Variants in PTPRC observed in about 807,000 individuals in gnomAD.
The protein encoded by PTPRC is protein tyrosine phosphatase receptor type C.
A neutral mutation model predicts 155.9 loss-of-function variants in PTPRC; 44 were observed. The observed-to-expected ratio is 0.28, with a 90% CI of 0.22 to 0.36. The LOEUF is 0.36. Ranked by LOEUF, PTPRC falls within the 10% of genes least tolerant of loss-of-function variation. The pLI, the probability that PTPRC is intolerant of heterozygous loss-of-function variation, is 1.00. For synonymous variants in PTPRC, 525 were observed against 533.1 expected (o/e 0.98, Z 0.21); for missense variants, 1,401 against 1,564.6 (o/e 0.90, Z 1.76).
chr1:198,756,222 T>TGTTA lies in PTPRC; in HGVS notation c.*42_*45dup. On this transcript the variant is annotated 3_prime_UTR_variant, in exon 33 of 33. Coordinates refer to ENST00000442510, the MANE Select transcript of PTPRC (RefSeq NM_002838.5). ...AGGAAACTCCAAACCTCCTGTTAGCTGTTATTTCTATTTTTGTAGAAGTAG... is the reference window on the plus strand; with the variant it reads ...AGGAAACTCCAAACCTCCTGTTAGCTGTTAGTTATTTCTATTTTTGTAGAAGTAG... 1 of 1,609,632 alleles carries TGTTA rather than the reference T, an allele frequency of 6.2e-7. No individual in the cohort carries two copies.
rs1318436441 is a variant in PTPRC, at chr1:198,757,196, A to C, written c.*1015A>C. On this transcript the variant is annotated 3_prime_UTR_variant, in exon 33 of 33. Coordinates refer to ENST00000442510, the MANE Select transcript of PTPRC (RefSeq NM_002838.5). ...AACTTTCATTAAAGCATTTACTTTG[A>C]ATTTCTCCAATGCTTAGAATGTTTT... is the stretch of plus-strand genomic sequence containing the variant. 1 of 151,790 alleles carries C rather than the reference A, an allele frequency of 6.6e-6. No homozygotes were observed. Among genetic ancestry groups the C allele is most frequent in the Non-Finnish European group, 1.5e-5 (1 of 67,798 alleles). 9.4% of individuals were successfully genotyped at this position (151,790 alleles called of 1,614,324 possible).
chr1:198,750,260 C>T (rs531126448), intron 28 of PTPRC: 26 of 523,724 alleles, frequency 5.0e-5, no homozygotes, highest in East Asian at 1.0e-4. Flanking sequence ...AAATTTGTTT[C>T]GCAAGATATG....
chr1:198,659,541 A>T (rs1663816407), intron 2 of PTPRC, among the ~76,000 whole-genome samples: 1 of 149,982 alleles, frequency 6.7e-6, no homozygotes, highest in East Asian at 2.0e-4. Flanking sequence ...AAGAATACAT[A>T]TATATTTTTT....
chr1:198,643,595 C>A (rs768318924), intron 2 of PTPRC, among the ~76,000 whole-genome samples: 1 of 151,744 alleles, frequency 6.6e-6, no homozygotes, highest in Non-Finnish European at 1.5e-5. Flanking sequence ...CTTATCTCAC[C>A]TCTCGTCTGG....
chr1:198,693,088 T>G (rs973704043), intron 3 of PTPRC: 2 of 975,828 alleles, frequency 2.0e-6, no homozygotes, highest in Non-Finnish European at 2.4e-6. Flanking sequence ...AGTAAAACAA[T>G]GAAGACAATT....
In PTPRC at chr1:198,735,129, C is replaced by G; in HGVS notation, c.2280C>G (p.Asn760Lys). ...CTTAATAATTTTTTAAAATGTAGAA[C>G]AAGTGTGCAGAATACTGGCCGTCAA... ...MVTRCEEGNR[N>K]KCAEYWPSME... Residue 760 changes from asparagine (N) to lysine (K), a missense_variant and splice_region_variant, in exon 23 of 33, where the codon AAC becomes AAG. This residue lies in a region of PTPRC where 867 missense variants were observed against 970.4 expected (regional missense o/e 0.89). Transcript: ENST00000442510. The G allele has an allele frequency of 6.3e-7, 1 of 1,596,436 alleles. No homozygotes were observed. The highest frequency in any genetic ancestry group is 8.5e-7 in the Non-Finnish European group (1 of 1,170,366).
At chr1:198,709,898 G>T (rs1571858997) in intron 11 of PTPRC, 74 bp downstream of exon 11, 18 of 1,556,220 alleles carry the variant, frequency 1.2e-5, no homozygotes, top group Non-Finnish European at 1.6e-5. Context: ...GAGAATCATA[G>T]GAAATGAATT....
chr1:198,692,250 T>C (rs1456703390), intron 2 of PTPRC, 97 bp from the exon 3 acceptor site: 3 of 889,280 alleles, frequency 3.4e-6, no homozygotes, highest in African/African-American at 1.8e-5. Context: ...GAATGTTCTA[T>C]CATAGACTTG....
In PTPRC at chr1:198,749,491, C is replaced by T. The variant is rs1655284465; in HGVS notation, c.3014C>T (p.Ser1005Phe). 6.2e-7 allele frequency: 1 copy of T among 1,610,154 alleles called. No homozygotes were observed. Among genetic ancestry groups the T allele is most frequent in the Admixed American group, 1.7e-5 (1 of 59,722 alleles). ...KESEHDSDESSDDDSDSEEPS... is the reference protein window; with the variant it reads ...KESEHDSDESFDDDSDSEEPS... ...AGTGAGCATGATTCAGATGAATCCT[C>T]TGATGATGACAGTGATTCAGAGGAA... The change falls in exon 28 of 33, where the codon TCT becomes TTT. Residue 1005 changes from serine (S) to phenylalanine (F), a missense_variant. Coordinates refer to ENST00000442510, the MANE Select transcript of PTPRC (RefSeq NM_002838.5).
At chr1:198,699,528 G>T (rs1230136509) in intron 4 of PTPRC, 36 bp from the exon 5 acceptor site, 1 of 1,613,440 alleles carries the variant, frequency 6.2e-7, no homozygotes, top group African/African-American at 1.3e-5. Flanking sequence ...TCCAGTGGGG[G>T]AAGACTGATG....
At chr1:198,677,841 T>C (rs546312354) in intron 2 of PTPRC, among the ~76,000 whole-genome samples, 35 of 152,252 alleles carry the variant, frequency 2.3e-4, no homozygotes, top group African/African-American at 7.5e-4. Context: ...ACCTCGGAAA[T>C]ATCATTTAAC....
At chr1:198,690,943 C>T (rs938918056) in intron 2 of PTPRC, among the ~76,000 whole-genome samples, 1 of 152,054 alleles carries the variant, frequency 6.6e-6, no homozygotes, top group Non-Finnish European at 1.5e-5. Context: ...ATCCAGTTGA[C>T]CCATGTTAAT....
intron 2 of PTPRC, among the ~76,000 whole-genome samples, chr1:198,674,690 G>A (rs954191593): frequency 6.6e-6 from 1 of 151,784 alleles, no homozygotes; most frequent in Non-Finnish European, 1.5e-5. Flanking sequence ...GCTATGCTTT[G>A]CTTCATCTTT....
Position 198,757,000 on chromosome 1 carries a change from A to ATAAAT in PTPRC, c.*820_*824dup, listed in dbSNP as rs1655710366. On this transcript the variant is annotated 3_prime_UTR_variant, in exon 33 of 33. Coordinates refer to ENST00000442510, the MANE Select transcript of PTPRC (RefSeq NM_002838.5). The stretch of plus-strand genomic sequence containing the variant: ...TTGAACTTAAATAAATGTCATTAAA[A>ATAAAT]TAAATAAATGCAATATGTATTAATA... The ATAAAT allele has an allele frequency of 6.6e-6, 1 of 151,944 alleles. No individual in the cohort carries two copies. The highest frequency in any genetic ancestry group is 1.5e-5 in the Non-Finnish European group (1 of 67,866). 9.4% of individuals were successfully genotyped at this position (151,944 alleles called of 1,614,324 possible). A position where few individuals can be genotyped will look rare whatever the true frequency, so the allele number is the denominator to read the frequency against.
intron 1 of PTPRC, 30 bp from the exon 2 acceptor site, chr1:198,639,196 T>C: frequency 1.6e-6 from 2 of 1,244,670 alleles, no homozygotes; most frequent in Non-Finnish European, 2.4e-6. Context: ...GAAAAACTTC[T>C]ACAGAGATAA....
rs1323507987 is a variant in PTPRC at position 198,716,716 on chromosome 1, C to A, written c.1326C>A (p.Ile442=). ...GCCTCAATCTGGATAAAAACCTGAT[C>A]AAATATGATTTGCAAAATTTAAAAC... is the stretch of plus-strand genomic sequence containing the variant. ...KDCLNLDKNL[I]KYDLQNLKPY... Residue 442 remains isoleucine (I), a synonymous_variant, in exon 13 of 33, where the codon ATC becomes ATA. Coordinates refer to ENST00000442510, the MANE Select transcript of PTPRC (RefSeq NM_002838.5). 12 of 1,611,966 alleles carry A rather than the reference C, an allele frequency of 7.4e-6. No individual in the cohort carries two copies. The highest frequency in any genetic ancestry group is 1.0e-5 in the Non-Finnish European group (12 of 1,179,724).
At chr1:198,679,970 G>A in intron 2 of PTPRC, 1 of 624,796 alleles carries the variant, frequency 1.6e-6, no homozygotes, top group Non-Finnish European at 2.9e-6. Context: ...GCGACATGCA[G>A]CGAGTGCTGC....
At position 198,702,242 on chromosome 1, in the gene PTPRC, G is replaced by C; in HGVS notation, c.440-145G>C. 8 of 1,027,566 alleles carry C rather than the reference G, an allele frequency of 7.8e-6. No individual in the cohort carries two copies. In the South Asian group the frequency reaches 1.0e-4, roughly 13 times the overall value. The allele number at this position is 1,027,566 out of a possible 1,614,324, so 63.7% of individuals were successfully genotyped here. ...CTGGTATTTTTGGTACAGTTCTGTA[G>C]AATGCATGTGTCGTGGTATAGCAGA... is the stretch of plus-strand genomic sequence containing the variant. On this transcript the variant is annotated intron_variant, in intron 5 of 32. Coordinates refer to ENST00000442510, the MANE Select transcript of PTPRC (RefSeq NM_002838.5).
chr1:198,746,533 G>A lies in PTPRC; in HGVS notation c.2848-1576G>A, dbSNP rs531604866. On this transcript the variant is annotated intron_variant, in intron 26 of 32. Transcript: ENST00000442510. ...TTAAGATAAATGGGAGTTCACAGAT[G>A]ACAGACGATGGGCATCAGAGGGCAG... Among the ~76,000 whole-genome samples, 8 of 151,786 alleles carry A rather than the reference G, an allele frequency of 5.3e-5. No individual in the cohort carries two copies. In the South Asian group the frequency reaches 1.7e-3, roughly 32 times the overall value.
Sources: gnomAD v4.1 joint callset for allele counts (sites outside exome capture counted in the v4.1 genomes callset) on GRCh38, gnomAD v4.1.1 for gene constraint, gnomAD v4.1.1 regional missense constraint, MANE v1.5 for transcripts, NCBI Gene and HGNC (gene_info 2026-07-23, HGNC 2026-07-21) for gene names.